The following CABLES1 variants were observed in gnomAD, a reference collection of about 807,000 sequenced individuals.
CABLES1 encodes CDK5 and ABL1 enzyme substrate 1.
CABLES1 carries 36 observed loss-of-function variants against 57.8 expected under a neutral mutation model. The observed-to-expected ratio is 0.62, with a 90% CI of 0.48 to 0.82. The LOEUF is 0.82. CABLES1 is among the 40% of genes least tolerant of loss of function. The pLI is 0.00. For synonymous variants in CABLES1, 374 were observed against 363.0 expected, an observed-to-expected ratio of 1.03 and a Z score of -0.35; for missense variants, 767 against 836.6, an observed-to-expected ratio of 0.92 and a Z score of 1.03.
intron 3 of CABLES1, among the ~76,000 whole-genome samples, chr18:23,207,912 C>T (rs1433308541): frequency 6.6e-6 from 1 of 152,132 alleles, no homozygotes; most frequent in African/African-American, 2.4e-5. Flanking sequence ...GTAACAGTAC[C>T]ACCATGTGGT....
At chr18:23,151,039 G>T (rs1187213940) in intron 1 of CABLES1, among the ~76,000 whole-genome samples, 1 of 143,236 alleles carries the variant, frequency 7.0e-6, no homozygotes, top group Non-Finnish European at 1.5e-5. Context: ...TTTTTTGAGA[G>T]GCAGAGTCTC....
At position 23,229,915 on chromosome 18, in the gene CABLES1, C is replaced by T. The variant is rs376601774; in HGVS notation, c.1089-4693C>T. On this transcript the variant is annotated intron_variant, in intron 4 of 9. Coordinates refer to ENST00000256925, the MANE Select transcript of CABLES1 (RefSeq NM_001100619.3). ...AACTGCTGTTTATGGGGGTCAAGTA[C>T]GACCAAAGAACAGCAATTTCATGTT... Among the ~76,000 whole-genome samples the T allele has an allele frequency of 1.9e-4, 29 of 152,262 alleles. No homozygotes were observed. The South Asian group carries it at 2.7e-3, about 14-fold the overall frequency.
At chr18:23,194,246 T>C (rs1442114999) in intron 2 of CABLES1, among the ~76,000 whole-genome samples, 1 of 152,162 alleles carries the variant, frequency 6.6e-6, no homozygotes, top group Non-Finnish European at 1.5e-5. Context: ...AATAACAGTA[T>C]TATCAAGAAG....
chr18:23,218,996 AC>A, intron 4 of CABLES1: 1 of 357,488 alleles, frequency 2.8e-6, no homozygotes, highest in Non-Finnish European at 5.5e-6. Context: ...TAGTAAATGT[AC>A]AGTGTTAAGT....
intron 4 of CABLES1, among the ~76,000 whole-genome samples, chr18:23,230,383 A>C (rs1455374747): frequency 6.6e-6 from 1 of 152,072 alleles, no homozygotes; most frequent in Non-Finnish European, 1.5e-5. Context: ...AAACAAAAAC[A>C]AAAAAAACCT....
chr18:23,246,543 C>T (rs769824483), intron 7 of CABLES1, among the ~76,000 whole-genome samples: 8 of 151,900 alleles, frequency 5.3e-5, no homozygotes, highest in African/African-American at 9.7e-5. Context: ...AGGCACCCGC[C>T]ACCACACCCG....
chr18:23,201,942 G>A (rs147970458), intron 3 of CABLES1, among the ~76,000 whole-genome samples: 2 of 152,234 alleles, frequency 1.3e-5, no homozygotes, highest in Non-Finnish European at 2.9e-5. Flanking sequence ...GTGGGGAAGC[G>A]CATGCGCCCT....
intron 9 of CABLES1, among the ~76,000 whole-genome samples, chr18:23,256,714 A>G (rs920307898): frequency 6.6e-6 from 1 of 151,944 alleles, no homozygotes; most frequent in East Asian, 1.9e-4. Flanking sequence ...CAAACTCCCG[A>G]CCTCAAGTGA....
chr18:23,246,325 CTTGT>C (rs1325930436), intron 7 of CABLES1, among the ~76,000 whole-genome samples: 1 of 151,438 alleles, frequency 6.6e-6, no homozygotes, highest in Non-Finnish European at 1.5e-5. Context: ...GGAGTCGCTG[CTTGT>C]TTAATTAGCA....
At chr18:23,146,478 T>C (rs2046892402) in intron 1 of CABLES1, among the ~76,000 whole-genome samples, 1 of 152,180 alleles carries the variant, frequency 6.6e-6, no homozygotes, top group African/African-American at 2.4e-5. Context: ...AGTGCTAGGA[T>C]TACAGGCGTG....
intron 3 of CABLES1, among the ~76,000 whole-genome samples, chr18:23,195,891 TG>T (rs2047279046): frequency 2.0e-5 from 3 of 152,216 alleles, no homozygotes; most frequent in African/African-American, 7.2e-5. Context: ...TATCTACCAT[TG>T]GTTTACATTT....
rs1334663335 is a variant in CABLES1 at position 23,258,343 on chromosome 18, A to G, written c.*976A>G. 1.3e-5 allele frequency: 2 copies of G among 152,566 alleles called. No individual in the cohort carries two copies. Among genetic ancestry groups the G allele is most frequent in the African/African-American group, 4.8e-5 (2 of 41,474 alleles). The allele number at this position is 152,566 out of a possible 1,614,324, so 9.5% of individuals were successfully genotyped here. A position where few individuals can be genotyped will look rare whatever the true frequency, so the allele number is the denominator to read the frequency against. ...TATCGCTATATAAAAGTGTTTTATA[A>G]AAACCCAGAATAGGAGCACGACGCA... is the stretch of plus-strand genomic sequence containing the variant. On this transcript the variant is annotated 3_prime_UTR_variant, in exon 10 of 10. Coordinates refer to ENST00000256925, the MANE Select transcript of CABLES1 (RefSeq NM_001100619.3).
At chr18:23,174,116 C>T (rs534307775) in intron 1 of CABLES1, among the ~76,000 whole-genome samples, 2 of 152,214 alleles carry the variant, frequency 1.3e-5, no homozygotes, top group South Asian at 2.1e-4. Context: ...ATTCCTCCCC[C>T]TCTCGGATCC....
intron 4 of CABLES1, among the ~76,000 whole-genome samples, chr18:23,217,247 A>G (rs865991410): frequency 4.0e-5 from 6 of 151,880 alleles, no homozygotes; most frequent in Non-Finnish European, 8.8e-5. Flanking sequence ...ACACCCAGCT[A>G]ATTTTTAAAA....
At chr18:23,205,561 G>A (rs116102921) in intron 3 of CABLES1, among the ~76,000 whole-genome samples, 1 of 152,094 alleles carries the variant, frequency 6.6e-6, no homozygotes, top group African/African-American at 2.4e-5. Context: ...CAAAATTCCT[G>A]TGTTGAGGTC....
chr18:23,213,963 T>G lies in CABLES1; in HGVS notation c.1011-14T>G. ...TTAGTGTGTTTGTTGTTTGTTCTTC[T>G]TTTTATTTTTTAGAATAGTCCTTAT... On this transcript the variant is annotated splice_polypyrimidine_tract_variant and intron_variant, in intron 3 of 9. Transcript: ENST00000256925. The G allele has an allele frequency of 6.4e-7, 1 of 1,551,800 alleles. No homozygotes were observed. The highest frequency in any genetic ancestry group is 8.8e-7 in the Non-Finnish European group (1 of 1,136,654).
intron 1 of CABLES1, among the ~76,000 whole-genome samples, chr18:23,148,971 C>A (rs1187910027): frequency 6.6e-6 from 1 of 152,056 alleles, no homozygotes; most frequent in East Asian, 1.9e-4. Context: ...TTTACTGCAA[C>A]CTCTGCCTCC....
intron 1 of CABLES1, among the ~76,000 whole-genome samples, chr18:23,169,854 C>G (rs920691025): frequency 1.3e-5 from 2 of 152,082 alleles, no homozygotes; most frequent in Non-Finnish European, 2.9e-5. Context: ...GCTGCTGAGG[C>G]TCTCCTGAGG....
At chr18:23,191,187 A>G (rs1327330798) in intron 2 of CABLES1, among the ~76,000 whole-genome samples, 2 of 152,156 alleles carry the variant, frequency 1.3e-5, no homozygotes, top group South Asian at 2.1e-4. Flanking sequence ...GGAGTTCAAG[A>G]CTTAAATGAG....
Sources: gnomAD v4.1 joint callset for allele counts (sites outside exome capture counted in the v4.1 genomes callset) on GRCh38, gnomAD v4.1.1 for gene constraint, MANE v1.5 for transcripts, NCBI Gene and HGNC (gene_info 2026-07-23, HGNC 2026-07-21) for gene names.